The following TSC22D1 variants were observed in gnomAD, a reference collection of about 807,000 sequenced individuals.
TSC22D1 encodes TSC22 domain family protein 1.
Under a neutral mutation model 74.2 loss-of-function variants are expected in TSC22D1, and 9 were observed. The observed-to-expected ratio is 0.12, with a 90% CI of 0.07 to 0.21. The LOEUF is 0.21. TSC22D1 is among the 10% of genes least tolerant of loss of function. The probability of loss-of-function intolerance (pLI) is 1.00; values close to 1 mark genes in which losing one functional copy is unlikely to be tolerated. For missense variants in TSC22D1, 1,427 were observed against 1,304.7 expected (o/e 1.09, Z -1.44); for synonymous variants, 586 against 492.5 (o/e 1.19, Z -2.51).
At chr13:44,548,687 C>A (rs1881990855) in intron 1 of TSC22D1, among the ~76,000 whole-genome samples, 1 of 151,992 alleles carries the variant, frequency 6.6e-6, no homozygotes, top group African/African-American at 2.4e-5. Flanking sequence ...GCAAGATAAT[C>A]TAGGAAAAGA....
intron 1 of TSC22D1, among the ~76,000 whole-genome samples, chr13:44,485,587 A>G (rs1878394190): frequency 6.6e-6 from 1 of 152,140 alleles, no homozygotes; most frequent in Admixed American, 6.5e-5. Context: ...GTACTCAGAT[A>G]TTTGTAGAAC....
At chr13:44,445,909 G>C (rs1485069541) in intron 1 of TSC22D1, among the ~76,000 whole-genome samples, 1 of 152,120 alleles carries the variant, frequency 6.6e-6, no homozygotes, top group African/African-American at 2.4e-5. Flanking sequence ...AGAAAAATTG[G>C]AACACATATA....
intron 1 of TSC22D1, among the ~76,000 whole-genome samples, chr13:44,443,726 C>G (rs957704256): frequency 6.6e-6 from 1 of 152,024 alleles, no homozygotes. Flanking sequence ...TAACAATGTA[C>G]TGGAATGTAC....
intron 1 of TSC22D1, among the ~76,000 whole-genome samples, chr13:44,549,140 A>T (rs1454506306): frequency 6.6e-6 from 1 of 152,180 alleles, no homozygotes; most frequent in Non-Finnish European, 1.5e-5. Flanking sequence ...GATAGCTTAC[A>T]ATATATCTAT....
At chr13:44,470,050 T>C (rs1363961237) in intron 1 of TSC22D1, among the ~76,000 whole-genome samples, 1 of 152,150 alleles carries the variant, frequency 6.6e-6, no homozygotes, top group East Asian at 1.9e-4. Context: ...AGAGAAAGGA[T>C]TGCTGCTGGA....
intron 1 of TSC22D1, among the ~76,000 whole-genome samples, chr13:44,513,187 G>A (rs944597150): frequency 3.3e-5 from 5 of 152,150 alleles, no homozygotes; most frequent in African/African-American, 1.2e-4. Flanking sequence ...ACTAAAAAAT[G>A]TCCTTGTAAT....
intron 1 of TSC22D1, among the ~76,000 whole-genome samples, chr13:44,514,581 C>T (rs1879889209): frequency 6.6e-6 from 1 of 152,096 alleles, no homozygotes; most frequent in African/African-American, 2.4e-5. Context: ...AAGTTTAGGC[C>T]AGGTACCGTG....
At chr13:44,562,051 T>C (rs1251909401) in intron 1 of TSC22D1, among the ~76,000 whole-genome samples, 1 of 152,244 alleles carries the variant, frequency 6.6e-6, no homozygotes, top group East Asian at 1.9e-4. Flanking sequence ...TATATATATA[T>C]ATTTTTGAGA....
At chr13:44,540,879 A>T (rs1566162282) in intron 1 of TSC22D1, among the ~76,000 whole-genome samples, 1 of 152,188 alleles carries the variant, frequency 6.6e-6, no homozygotes, top group Non-Finnish European at 1.5e-5. Context: ...TTTGGAAAAC[A>T]GATCAATTAT....
chr13:44,509,950 CAAAAAAAA>C lies in TSC22D1; in HGVS notation c.2912+63205_2912+63212del. On this transcript the variant is annotated intron_variant, in intron 1 of 2. Transcript: ENST00000458659. ...TTCACCTGTCAAACTAGAAAATAAG[CAAAAAAAA>C]AAAAAAAAAAAAAGCTAAAAAAAAA... is the stretch of plus-strand genomic sequence containing the variant. Among the ~76,000 whole-genome samples, 238 of 51,440 alleles carry C rather than the reference CAAAAAAAA, an allele frequency of 4.6e-3. 6 individuals carry two copies. In the East Asian group the frequency reaches 0.11, roughly 24 times the overall value. The allele number at this position is 51,440 out of a possible 152,430, so 33.7% of individuals were successfully genotyped here.
chr13:44,573,921 T>C lies in TSC22D1; in HGVS notation c.2154A>G (p.Ala718=). Residue 718 remains alanine (A), a synonymous_variant, in exon 1 of 3, where the codon GCA becomes GCG. Coordinates refer to ENST00000458659, the MANE Select transcript of TSC22D1 (RefSeq NM_183422.4). Reference sequence around the variant, plus strand: ...TGCCAGTAGGTACAGCAGACACTGCTGCCGGAGCCTGGCCAACAGGCTGGA... The same window carrying C: ...TGCCAGTAGGTACAGCAGACACTGCCGCCGGAGCCTGGCCAACAGGCTGGA... ...ASVQPVGQAP[A]AVSAVPTGSQ... 6.2e-7 allele frequency: 1 copy of C among 1,614,210 alleles called. No individual in the cohort carries two copies. The highest frequency in any genetic ancestry group is 1.1e-5 in the South Asian group (1 of 91,086).
intron 1 of TSC22D1, chr13:44,436,957 C>A: frequency 9.9e-7 from 1 of 1,013,852 alleles, no homozygotes; most frequent in East Asian, 9.2e-5. Context: ...CCAGGTCCTC[C>A]CGCTTCCCTG....
At position 44,574,569 on chromosome 13, in the gene TSC22D1, TTGCTGC is replaced by T. The variant is rs112613609; in HGVS notation, c.1500_1505del (p.Gln508_Gln509del). 3.6e-4 allele frequency: 573 copies of T among 1,608,732 alleles called. 2 individuals are homozygous for T. Among genetic ancestry groups the T allele is most frequent in the African/African-American group, 2.8e-3 (202 of 71,854 alleles). On this transcript the variant is annotated inframe_deletion, in exon 1 of 3. Coordinates refer to ENST00000458659, the MANE Select transcript of TSC22D1 (RefSeq NM_183422.4). ...CTGGTTGTTGCTGTTGTTGTTGTTG[TTGCTGC>T]TGCTGCTGCTGCACCACCACAGTAG...
intron 1 of TSC22D1, among the ~76,000 whole-genome samples, chr13:44,560,537 T>G (rs753293857): frequency 4.6e-5 from 7 of 152,232 alleles, no homozygotes; most frequent in Non-Finnish European, 1.0e-4. Flanking sequence ...GTCTAGCTTT[T>G]ATTTTTGTAA....
At position 44,574,971 on chromosome 13, in the gene TSC22D1, G is replaced by A. The variant is rs1437561166; in HGVS notation, c.1104C>T (p.Gly368=). ...CAGCAGAGGAAGAAATAGTACCATT[G>A]CCCATGCCACTCAAGATATTCACAT... ...GVNVNILSGM[G]NGTISSSAAV... Residue 368 remains glycine (G), a synonymous_variant, in exon 1 of 3, where the codon GGC becomes GGT. Transcript: ENST00000458659. 1.9e-6 allele frequency: 3 copies of A among 1,614,040 alleles called. No individual in the cohort carries two copies. Among genetic ancestry groups the A allele is most frequent in the Non-Finnish European group, 8.5e-7 (1 of 1,180,028 alleles).
At chr13:44,458,066 CAGAT>C (rs1241069574) in intron 1 of TSC22D1, among the ~76,000 whole-genome samples, 3 of 152,206 alleles carry the variant, frequency 2.0e-5, no homozygotes, top group Admixed American at 6.5e-5. Context: ...ACTTTTGAAA[CAGAT>C]AGGTGAAATC....
rs915506592 is a variant in TSC22D1 at position 44,434,176 on chromosome 13, C to T, written c.*450G>A. On this transcript the variant is annotated 3_prime_UTR_variant, in exon 3 of 3. Transcript: ENST00000458659. Reference sequence around the variant, plus strand: ...TTCCCCCTCATTTTAGTCTTTTTACCCTCCTTTCAAGTTCCTCCTGGGGGG... The same window carrying T: ...TTCCCCCTCATTTTAGTCTTTTTACTCTCCTTTCAAGTTCCTCCTGGGGGG... The T allele has an allele frequency of 6.1e-6, 9 of 1,471,102 alleles. No homozygotes were observed. The African/African-American group carries it at 7.3e-5, about 12-fold the overall frequency. The allele number at this position is 1,471,102 out of a possible 1,614,324, so 91.1% of individuals were successfully genotyped here. A position where few individuals can be genotyped will look rare whatever the true frequency, so the allele number is the denominator to read the frequency against.
At chr13:44,455,386 A>C (rs1036450554) in intron 1 of TSC22D1, among the ~76,000 whole-genome samples, 1 of 152,204 alleles carries the variant, frequency 6.6e-6, no homozygotes, top group Non-Finnish European at 1.5e-5. Context: ...GATCTCTCTC[A>C]CTTTTGCTAT....
chr13:44,573,367 G>A lies in TSC22D1; in HGVS notation c.2708C>T (p.Ala903Val), dbSNP rs901283880. The change falls in exon 1 of 3, where the codon GCT (alanine) becomes GTT (valine). Residue 903 changes from alanine to valine, a missense_variant. By Grantham distance (64) the Ala-to-Val change is moderately conservative. Transcript: ENST00000458659. ...TTCAATTTGGCTTCCAATTGCCTGA[G>A]CTAATGATTGTGCGGAGAACTGGGT... ...SSTQFSAQSL[A>V]QAIGSQIEDA... 1 of 1,614,146 alleles carries A rather than the reference G, an allele frequency of 6.2e-7. No homozygotes were observed. The highest frequency in any genetic ancestry group is 8.5e-7 in the Non-Finnish European group (1 of 1,180,060).
Sources: gnomAD v4.1 joint callset for allele counts (sites outside exome capture counted in the v4.1 genomes callset) on GRCh38, gnomAD v4.1.1 for gene constraint, MANE v1.5 for transcripts, NCBI Gene and HGNC (gene_info 2026-07-23, HGNC 2026-07-21) for gene names.